Variants in CLASP2 observed in about 807,000 individuals in gnomAD.
CLASP2 encodes CLIP-associating protein 2.
CLASP2 carries 47 observed loss-of-function variants against 194.4 expected under a neutral mutation model. The observed-to-expected ratio is 0.24, with a 90% CI of 0.19 to 0.31. The LOEUF is 0.31. CLASP2 is among the 10% of genes least tolerant of loss of function. CLASP2 has a pLI of 1.00. For synonymous variants in CLASP2, 619 were observed against 633.5 expected, an observed-to-expected ratio of 0.98 and a Z score of 0.34; for missense variants, 1,445 against 1,823.6, an observed-to-expected ratio of 0.79 and a Z score of 3.78.
chr3:33,697,664 A>G (rs969404118), intron 1 of CLASP2, among the ~76,000 whole-genome samples: 1 of 152,160 alleles, frequency 6.6e-6, no homozygotes, highest in African/African-American at 2.4e-5. Context: ...TTACAGAGGA[A>G]TTTCATCTTC....
At chr3:33,559,443 C>G (rs143002256) in intron 28 of CLASP2, 58 bp from the exon 29 acceptor site, 2 of 916,558 alleles carry the variant, frequency 2.2e-6, no homozygotes, top group African/African-American at 3.3e-5. Flanking sequence ...ACGCATGTAA[C>G]AGCAAAAGAC....
intron 36 of CLASP2, among the ~76,000 whole-genome samples, chr3:33,514,993 T>C (rs1420933042): frequency 1.3e-5 from 2 of 152,144 alleles, no homozygotes; most frequent in African/African-American, 4.8e-5. Flanking sequence ...ACATCATATG[T>C]TCTCATTCAT....
intron 8 of CLASP2, among the ~76,000 whole-genome samples, chr3:33,636,292 G>C (rs2080122500): frequency 6.6e-6 from 1 of 152,018 alleles, no homozygotes; most frequent in Non-Finnish European, 1.5e-5. Flanking sequence ...TGGCCCCACG[G>C]AATCTACTTG....
intron 7 of CLASP2, among the ~76,000 whole-genome samples, chr3:33,661,617 C>G (rs543062730): frequency 6.6e-6 from 1 of 152,090 alleles, no homozygotes; most frequent in Non-Finnish European, 1.5e-5. Context: ...ATCTGAGAGG[C>G]AAGAAAAGAT....
At chr3:33,619,821 C>T (rs976066484) in intron 11 of CLASP2, 83 bp from the exon 12 acceptor site, 1 of 1,131,904 alleles carries the variant, frequency 8.8e-7, no homozygotes. Flanking sequence ...TACTCTTTTA[C>T]TGAATTAACT....
At chr3:33,526,656 C>T (rs1575880260) in intron 34 of CLASP2, among the ~76,000 whole-genome samples, 1 of 152,152 alleles carries the variant, frequency 6.6e-6, no homozygotes, top group East Asian at 1.9e-4. Flanking sequence ...GAACTCTCCA[C>T]CCCAAACCAA....
chr3:33,496,994 A>G lies in CLASP2; in HGVS notation c.*1637T>C, dbSNP rs972998192. On this transcript the variant is annotated 3_prime_UTR_variant, in exon 39 of 39. Transcript: ENST00000682230. ...ACAGAAAAACTGATATACATTATTA[A>G]CTTTTTCAAGTAATGTTATGTACAG... 6.6e-6 allele frequency: 1 copy of G among 152,620 alleles called. No individual in the cohort carries two copies. Among genetic ancestry groups the G allele is most frequent in the Non-Finnish European group, 1.5e-5 (1 of 68,022 alleles). The allele number at this position is 152,620 out of a possible 1,614,324, so 9.5% of individuals were successfully genotyped here.
At chr3:33,615,288 C>A (rs1459288792) in intron 12 of CLASP2, among the ~76,000 whole-genome samples, 1 of 141,236 alleles carries the variant, frequency 7.1e-6, no homozygotes, top group Admixed American at 7.2e-5. Flanking sequence ...GAAAAAATGA[C>A]ATGAATGAAA....
At chr3:33,538,321 T>C (rs1488253981) in intron 33 of CLASP2, among the ~76,000 whole-genome samples, 1 of 152,224 alleles carries the variant, frequency 6.6e-6, no homozygotes, top group Non-Finnish European at 1.5e-5. Flanking sequence ...TGGCTTTATT[T>C]AGGTTTCAAT....
intron 12 of CLASP2, among the ~76,000 whole-genome samples, chr3:33,617,258 C>A (rs949900450): frequency 6.6e-6 from 1 of 151,574 alleles, no homozygotes; most frequent in Non-Finnish European, 1.5e-5. Context: ...CAGGAAAGGA[C>A]AAACTGATCA....
At chr3:33,618,912 G>T (rs188930922) in intron 12 of CLASP2, among the ~76,000 whole-genome samples, 1 of 152,112 alleles carries the variant, frequency 6.6e-6, no homozygotes. Flanking sequence ...ATGGGGATAC[G>T]TTCTGAGAAA....
chr3:33,542,724 A>G (rs927697213), intron 32 of CLASP2, among the ~76,000 whole-genome samples: 2 of 151,372 alleles, frequency 1.3e-5, no homozygotes, highest in African/African-American at 4.8e-5. Flanking sequence ...CCTATTTGTT[A>G]TTTATATGTT....
At chr3:33,611,919 CA>C (rs2075255708) in intron 13 of CLASP2, 81 bp downstream of exon 13, 13 of 969,704 alleles carry the variant, frequency 1.3e-5, no homozygotes, top group Non-Finnish European at 2.0e-5. Flanking sequence ...AATGAATGAC[CA>C]ATTCTTGCAG....
intron 12 of CLASP2, among the ~76,000 whole-genome samples, chr3:33,613,452 C>T (rs555203120): frequency 6.6e-6 from 1 of 152,290 alleles, no homozygotes; most frequent in South Asian, 2.1e-4. Flanking sequence ...AAGACACTGG[C>T]AACAGAAGGC....
intron 14 of CLASP2, among the ~76,000 whole-genome samples, chr3:33,608,159 G>T (rs1017481934): frequency 5.9e-5 from 9 of 152,108 alleles, no homozygotes; most frequent in Admixed American, 1.3e-4. Context: ...TCTGACAGCT[G>T]GTGTGGAGAA....
rs138343569 is a variant in CLASP2 at position 33,640,489 on chromosome 3, T to G, written c.862+4268A>C. ...AACCATTTCAAAGTAGTCTTTGACATTAGATAGAAACAATACAGAGAAAAT... is the reference window on the plus strand; with the variant it reads ...AACCATTTCAAAGTAGTCTTTGACAGTAGATAGAAACAATACAGAGAAAAT... On this transcript the variant is annotated intron_variant, in intron 8 of 38. Transcript: ENST00000682230. 6.0e-3 allele frequency among the ~76,000 whole-genome samples: 916 copies of G among 152,256 alleles called. 30 individuals carry two copies. The highest frequency in any genetic ancestry group is 7.5e-3 in the East Asian group (39 of 5,182).
chr3:33,506,548 T>C (rs1279186420), intron 37 of CLASP2, among the ~76,000 whole-genome samples: 1 of 151,984 alleles, frequency 6.6e-6, no homozygotes, highest in East Asian at 1.9e-4. Flanking sequence ...TCCAAAAAAG[T>C]TGATTCTATT....
intron 33 of CLASP2, among the ~76,000 whole-genome samples, chr3:33,537,821 A>C (rs909407230): frequency 3.0e-4 from 45 of 151,976 alleles, no homozygotes; most frequent in Non-Finnish European, 5.4e-4. Context: ...GGCAAAAAAA[A>C]CTCTAAACTC....
At chr3:33,566,185 G>T (rs966450471) in intron 27 of CLASP2, among the ~76,000 whole-genome samples, 1 of 152,152 alleles carries the variant, frequency 6.6e-6, no homozygotes, top group Non-Finnish European at 1.5e-5. Context: ...GTGGAAAGTG[G>T]CTATGCTAAT....
Sources: gnomAD v4.1 joint callset for allele counts (sites outside exome capture counted in the v4.1 genomes callset) on GRCh38, gnomAD v4.1.1 for gene constraint, MANE v1.5 for transcripts, NCBI Gene and HGNC (gene_info 2026-07-23, HGNC 2026-07-21) for gene names.